HECTD2: variants seen among roughly 807,000 people sequenced by gnomAD.
HECTD2 encodes HECT domain E3 ubiquitin protein ligase 2.
HECTD2 carries 35 observed loss-of-function variants against 103.2 expected under a neutral mutation model. The ratio of observed to expected loss-of-function variants is 0.34; its 90% confidence interval spans 0.26 to 0.45. The LOEUF (loss-of-function observed/expected upper bound fraction) is 0.45, where lower values mean the gene tolerates loss of function less well. HECTD2 is among the 20% of genes least tolerant of loss of function. The pLI is 1.00. For synonymous variants in HECTD2, 281 were observed against 329.9 expected (o/e 0.85, Z 1.61); for missense variants, 596 against 937.4 (o/e 0.64, Z 4.76).
chr10:91,462,450 T>G, intron 5 of HECTD2: 1 of 1,228,308 alleles, frequency 8.1e-7, no homozygotes, highest in Non-Finnish European at 1.0e-6. Context: ...CAAAAGGAGG[T>G]AAGTTATTTA....
At chr10:91,454,676 C>T (rs886922271) in intron 2 of HECTD2, among the ~76,000 whole-genome samples, 1 of 151,878 alleles carries the variant, frequency 6.6e-6, no homozygotes, top group Non-Finnish European at 1.5e-5. Flanking sequence ...CCCATTAACT[C>T]GTCATTTACA....
At chr10:91,485,131 A>G in intron 9 of HECTD2, 49 bp from the exon 10 acceptor site, 1 of 1,320,632 alleles carries the variant, frequency 7.6e-7, no homozygotes, top group East Asian at 2.5e-5. Context: ...ATTAGAATGA[A>G]TCTTGTACAT....
chr10:91,432,547 C>T (rs1370993432), intron 2 of HECTD2, among the ~76,000 whole-genome samples: 2 of 151,952 alleles, frequency 1.3e-5, no homozygotes, highest in African/African-American at 4.8e-5. Context: ...GCACTACATC[C>T]TCCCTTACTC....
chr10:91,440,404 G>C lies in HECTD2; in HGVS notation c.268+14994G>C, dbSNP rs1305807176. 4.6e-5 allele frequency among the ~76,000 whole-genome samples: 7 copies of C among 152,144 alleles called. No homozygotes were observed. The South Asian group carries it at 1.5e-3, about 32-fold the overall frequency. On this transcript the variant is annotated intron_variant, in intron 2 of 20. Coordinates refer to ENST00000298068, the MANE Select transcript of HECTD2 (RefSeq NM_182765.6). ...TTATTGACTTGTGTATGTTCAACTA[G>C]CCCTGCATTCCAGGGATGAAGCCAA...
At chr10:91,477,342 A>G (rs1845945882) in intron 5 of HECTD2, among the ~76,000 whole-genome samples, 3 of 152,248 alleles carry the variant, frequency 2.0e-5, no homozygotes, top group African/African-American at 7.2e-5. Flanking sequence ...TAAGTGAACT[A>G]TAGAAATGTT....
At chr10:91,458,290 G>A (rs938618133) in intron 2 of HECTD2, among the ~76,000 whole-genome samples, 4 of 151,932 alleles carry the variant, frequency 2.6e-5, no homozygotes, top group South Asian at 2.1e-4. Flanking sequence ...ATCTAAGTAA[G>A]TGTAAAGGCA....
intron 13 of HECTD2, 97 bp downstream of exon 13, chr10:91,492,581 A>G (rs1846520172): frequency 1.1e-6 from 1 of 951,862 alleles, no homozygotes; most frequent in Non-Finnish European, 1.6e-6. Flanking sequence ...GATTTTACAG[A>G]CTTTTTGTCC....
At chr10:91,504,071 C>CTGTT (rs1451345405) in intron 20 of HECTD2, among the ~76,000 whole-genome samples, 6 of 152,116 alleles carry the variant, frequency 3.9e-5, no homozygotes, top group African/African-American at 1.4e-4. Context: ...AGGGTCCTGT[C>CTGTT]TGTTAGAAGG....
At chr10:91,483,210 A>G in intron 8 of HECTD2, 134 bp downstream of exon 8, 1 of 440,548 alleles carries the variant, frequency 2.3e-6, no homozygotes, top group Non-Finnish European at 4.0e-6. Flanking sequence ...ATGCTTCAAA[A>G]GCCAGTTACA....
chr10:91,414,448 T>C (rs1386432281), intron 1 of HECTD2, among the ~76,000 whole-genome samples: 1 of 152,240 alleles, frequency 6.6e-6, no homozygotes, highest in Non-Finnish European at 1.5e-5. Context: ...ATTGAACATC[T>C]GTTATGTTTA....
At chr10:91,426,103 A>G (rs1356302181) in intron 2 of HECTD2, among the ~76,000 whole-genome samples, 1 of 152,060 alleles carries the variant, frequency 6.6e-6, no homozygotes, top group Non-Finnish European at 1.5e-5. Context: ...TAGGTAGAAT[A>G]TGAATCCAAC....
chr10:91,467,670 C>T (rs564571170), intron 5 of HECTD2, among the ~76,000 whole-genome samples: 1 of 150,840 alleles, frequency 6.6e-6, no homozygotes, highest in Non-Finnish European at 1.5e-5. Flanking sequence ...CCCTCCGTAG[C>T]TTTGCCAGCA....
chr10:91,440,670 A>G (rs552512527), intron 2 of HECTD2, among the ~76,000 whole-genome samples: 56 of 107,424 alleles, frequency 5.2e-4, no homozygotes, highest in African/African-American at 2.0e-3. Flanking sequence ...TCCTCTTTGT[A>G]TCTCTGGTAG....
intron 1 of HECTD2, among the ~76,000 whole-genome samples, chr10:91,420,612 A>G (rs1843319561): frequency 1.3e-5 from 2 of 152,076 alleles, no homozygotes; most frequent in African/African-American, 4.8e-5. Flanking sequence ...AAAAGAAAAA[A>G]AGAAAATCAG....
chr10:91,443,467 G>C (rs959542424), intron 2 of HECTD2, among the ~76,000 whole-genome samples: 1 of 151,376 alleles, frequency 6.6e-6, no homozygotes, highest in Non-Finnish European at 1.5e-5. Flanking sequence ...TGTCCCAGAG[G>C]GGCACCTGCC....
chr10:91,462,761 G>T (rs1845400621), intron 5 of HECTD2: 6 of 985,644 alleles, frequency 6.1e-6, no homozygotes, highest in Non-Finnish European at 7.2e-6. Context: ...TAGCTATGAA[G>T]TGAAAGACAT....
chr10:91,460,615 C>T (rs1287672248), intron 3 of HECTD2, 50 bp downstream of exon 3: 2 of 1,518,972 alleles, frequency 1.3e-6, no homozygotes, highest in Admixed American at 4.2e-5. Flanking sequence ...CATGTCAGCA[C>T]TTTACATAAT....
intron 7 of HECTD2, among the ~76,000 whole-genome samples, chr10:91,481,455 T>C (rs111731488): frequency 3.3e-5 from 5 of 151,780 alleles, no homozygotes; most frequent in African/African-American, 1.2e-4. Context: ...ATGGAAGCAC[T>C]TCTTCCTCCT....
At chr10:91,488,323 C>A (rs1420849034) in intron 11 of HECTD2, 2 of 152,874 alleles carry the variant, frequency 1.3e-5, no homozygotes, top group African/African-American at 2.4e-5. Context: ...GGATAGCAAG[C>A]AGACTGAGTT....
Sources: allele counts gnomAD v4.1 joint callset (sites outside exome capture counted in the v4.1 genomes callset), GRCh38; gene constraint gnomAD v4.1.1; transcripts MANE v1.5; gene names NCBI Gene and HGNC (gene_info 2026-07-23, HGNC 2026-07-21).